The following MTFR1 variants were observed in gnomAD, a reference collection of about 807,000 sequenced individuals.
MTFR1 encodes mitochondrial fission regulator 1.
In MTFR1, 28 loss-of-function variants were observed where a neutral mutation model predicts 38.8. The observed-to-expected ratio is 0.72, with a 90% CI of 0.53 to 0.99. The LOEUF (loss-of-function observed/expected upper bound fraction) is 0.99, where lower values mean the gene tolerates loss of function less well. Among genes scored for constraint, MTFR1 ranks in the 50% least tolerant of loss-of-function variants. MTFR1 has a pLI of 0.00. For missense variants in MTFR1, 358 were observed against 395.5 expected, an observed-to-expected ratio of 0.91 and a Z score of 0.81; for synonymous variants, 145 against 137.0, an observed-to-expected ratio of 1.06 and a Z score of -0.41.
rs1806949305 is a variant in MTFR1, at chr8:65,732,667, C to T, written c.*48+13186C>T. Among the ~76,000 whole-genome samples the T allele has an allele frequency of 2.6e-5, 4 of 152,314 alleles. No homozygotes were observed. In the South Asian group the frequency reaches 8.3e-4, roughly 32 times the overall value. On this transcript the variant is annotated intron_variant, in intron 3 of 3. Transcript: ENST00000521247. ...TAGCTGGGACCACAGGTACACACCACCATGCCCATCTAACTTTTTATTTTT... is the reference window on the plus strand; with the variant it reads ...TAGCTGGGACCACAGGTACACACCATCATGCCCATCTAACTTTTTATTTTT...
At chr8:65,755,024 A>ATT (rs113923652) in intron 3 of MTFR1, among the ~76,000 whole-genome samples, 11 of 136,816 alleles carry the variant, frequency 8.0e-5, no homozygotes, top group East Asian at 2.2e-4. Context: ...TTTTTCACTT[A>ATT]TTTTTTTTTT....
intron 3 of MTFR1, among the ~76,000 whole-genome samples, chr8:65,751,563 G>A (rs1198050110): frequency 6.6e-6 from 1 of 152,002 alleles, no homozygotes; most frequent in East Asian, 1.9e-4. Context: ...TGCGATATCG[G>A]CTCACCGCAA....
rs551297868 is a variant in MTFR1 at position 65,677,387 on chromosome 8, T to TC, written c.67-4966_67-4965insC. Among the ~76,000 whole-genome samples, 22 of 146,840 alleles carry TC rather than the reference T, an allele frequency of 1.5e-4. No homozygotes were observed. The South Asian group carries it at 4.2e-3, about 28-fold the overall frequency. On this transcript the variant is annotated intron_variant, in intron 2 of 7. Transcript: ENST00000262146. Reference sequence around the variant, plus strand: ...GCCTGGCCCTGTTTAGCTGTTTCTTTTTTTTTTTTTTTTTTGAGACGGAGT... The same window carrying TC: ...GCCTGGCCCTGTTTAGCTGTTTCTTTCTTTTTTTTTTTTTTTGAGACGGAGT...
chr8:65,708,913 G>T, intron 7 of MTFR1, 63 bp from the exon 8 acceptor site: 2 of 1,490,166 alleles, frequency 1.3e-6, no homozygotes, highest in Non-Finnish European at 1.9e-6. Context: ...ATTGGGAGGT[G>T]GGGGCGTATC....
chr8:65,753,343 T>G (rs562526010), intron 3 of MTFR1, among the ~76,000 whole-genome samples: 4 of 152,290 alleles, frequency 2.6e-5, no homozygotes, highest in Admixed American at 6.5e-5. Flanking sequence ...CCCAAATGGC[T>G]CTCTCCTTCT....
intron 3 of MTFR1, among the ~76,000 whole-genome samples, chr8:65,763,617 C>T (rs558962834): frequency 6.6e-6 from 1 of 152,208 alleles, no homozygotes; most frequent in African/African-American, 2.4e-5. Flanking sequence ...CATATTTTTA[C>T]TCTTCAGAGC....
At chr8:65,770,689 A>G (rs1159158912) in intron 3 of MTFR1, among the ~76,000 whole-genome samples, 1 of 152,250 alleles carries the variant, frequency 6.6e-6, no homozygotes, top group African/African-American at 2.4e-5. Flanking sequence ...TAACATTTAT[A>G]TATGATGACT....
chr8:65,762,776 T>C (rs773239111), intron 3 of MTFR1, among the ~76,000 whole-genome samples: 6 of 152,136 alleles, frequency 3.9e-5, no homozygotes, highest in Non-Finnish European at 7.3e-5. Flanking sequence ...TGAAAACTAA[T>C]GTGCTAGAGA....
At chr8:65,740,364 C>A (rs1184735521) in intron 3 of MTFR1, among the ~76,000 whole-genome samples, 1 of 152,082 alleles carries the variant, frequency 6.6e-6, no homozygotes, top group East Asian at 1.9e-4. Flanking sequence ...TTCTCCACAG[C>A]CTCATATGTC....
At chr8:65,768,846 A>C (rs527860606) in intron 3 of MTFR1, among the ~76,000 whole-genome samples, 1 of 152,338 alleles carries the variant, frequency 6.6e-6, no homozygotes, top group Non-Finnish European at 1.5e-5. Flanking sequence ...ATAATAAAAG[A>C]TATAATCAAA....
At position 65,704,868 on chromosome 8, in the gene MTFR1, T is replaced by C; in HGVS notation, c.456T>C (p.Ala152=). The C allele has an allele frequency of 1.2e-6, 2 of 1,612,856 alleles. No individual in the cohort carries two copies. The highest frequency in any genetic ancestry group is 2.2e-5 in the South Asian group (2 of 90,804). ...QKICALENEL[A]ALRAQIAKIV... is the part of the protein sequence containing the mutation. The stretch of plus-strand genomic sequence containing the variant: ...TTTGCGCTCTCGAAAATGAACTTGC[T>C]GCTCTCAGAGCTCAGATTGCCAAAA... Residue 152 remains alanine, a synonymous_variant, in exon 5 of 8, where the codon GCT becomes GCC. Transcript: ENST00000262146.
chr8:65,729,589 A>C (rs1181669161), intron 3 of MTFR1, among the ~76,000 whole-genome samples: 2 of 151,902 alleles, frequency 1.3e-5, no homozygotes, highest in Non-Finnish European at 2.9e-5. Context: ...TTTTTGTGAC[A>C]GAGTCTTGCT....
chr8:65,662,979 A>T (rs1189448172), intron 1 of MTFR1, among the ~76,000 whole-genome samples: 1 of 141,660 alleles, frequency 7.1e-6, no homozygotes, highest in Non-Finnish European at 1.5e-5. Flanking sequence ...GGCCGCCCCT[A>T]CTGGGAAGGG....
intron 3 of MTFR1, among the ~76,000 whole-genome samples, chr8:65,761,324 A>AC (rs373696451): frequency 2.8e-4 from 42 of 152,318 alleles, no homozygotes; most frequent in African/African-American, 1.0e-3. Flanking sequence ...TTGGCCTCCC[A>AC]AAGTGCTAGG....
chr8:65,733,433 T>C (rs2128896640), intron 3 of MTFR1, among the ~76,000 whole-genome samples: 1 of 152,330 alleles, frequency 6.6e-6, no homozygotes, highest in African/African-American at 2.4e-5. Context: ...GAGGATGCAG[T>C]CTTGGCCCAG....
At chr8:65,742,468 T>C (rs17396080) in intron 3 of MTFR1, among the ~76,000 whole-genome samples, 77,236 of 152,076 alleles carry the variant, frequency 0.51, 20,658 homozygotes, top group Non-Finnish European at 0.57. Context: ...CGATTTGTCT[T>C]GGCACGAATC....
chr8:65,687,205 T>C (rs904922404), intron 3 of MTFR1, among the ~76,000 whole-genome samples: 30 of 152,238 alleles, frequency 2.0e-4, no homozygotes, highest in African/African-American at 7.0e-4. Context: ...CAGCAATGTA[T>C]TGTATATTGA....
In MTFR1 at chr8:65,731,785, T is replaced by C. The variant is rs138945651; in HGVS notation, c.*48+12304T>C. ...AGAATTAGCTCTTCCATATAAATTATAAGGTATAAAAACTGAAAACAAATT... is the reference window on the plus strand; with the variant it reads ...AGAATTAGCTCTTCCATATAAATTACAAGGTATAAAAACTGAAAACAAATT... On this transcript the variant is annotated intron_variant, in intron 3 of 3. Coordinates refer to the MTFR1 transcript ENST00000521247. Among the ~76,000 whole-genome samples the C allele has an allele frequency of 6.3e-4, 96 of 152,306 alleles. 1 individual carries two copies. In the East Asian group the frequency reaches 0.018, roughly 29 times the overall value.
intron 3 of MTFR1, chr8:65,726,762 A>G (rs1296566672): frequency 1.7e-6 from 1 of 589,908 alleles, no homozygotes; most frequent in Non-Finnish European, 3.1e-6. Flanking sequence ...TTTGACAAAC[A>G]CTGAAAACTG....
Sources: gnomAD v4.1 joint callset for allele counts (sites outside exome capture counted in the v4.1 genomes callset) on GRCh38, gnomAD v4.1.1 for gene constraint, MANE v1.5 for transcripts, NCBI Gene and HGNC (gene_info 2026-07-23, HGNC 2026-07-21) for gene names.